CTBP1: variants seen among roughly 807,000 people sequenced by gnomAD.
CTBP1 encodes C-terminal-binding protein 1.
CTBP1 carries 11 observed loss-of-function variants against 42.1 expected under a neutral mutation model. The observed-to-expected ratio is 0.26, with a 90% CI of 0.16 to 0.43. The LOEUF is 0.43. Ranked by LOEUF, CTBP1 falls within the 20% of genes least tolerant of loss-of-function variation. The probability of loss-of-function intolerance (pLI) is 1.00; values close to 1 mark genes in which losing one functional copy is unlikely to be tolerated. For synonymous variants in CTBP1, 324 were observed against 277.1 expected (o/e 1.17, Z -1.68); for missense variants, 399 against 624.3 (o/e 0.64, Z 3.85).
At chr4:1,213,924 C>A (rs985214798) in intron 7 of CTBP1, 4 of 431,638 alleles carry the variant, frequency 9.3e-6, no homozygotes, top group Non-Finnish European at 1.7e-5. Context: ...GAGCTGCAGG[C>A]TGATACTGCC....
At chr4:1,215,212 ACT>A (rs1728979792) in intron 6 of CTBP1, among the ~76,000 whole-genome samples, 1 of 151,876 alleles carries the variant, frequency 6.6e-6, no homozygotes, top group Admixed American at 6.6e-5. Flanking sequence ...AAACCCACTG[ACT>A]CTGTGAACAA....
At chr4:1,241,627 C>G (rs1732186019) in intron 1 of CTBP1, 108 bp from the exon 2 acceptor site, 3 of 1,411,866 alleles carry the variant, frequency 2.1e-6, no homozygotes, top group African/African-American at 1.4e-5. Context: ...TCTGCCACAC[C>G]CGGGACTGCT....
intron 9 of CTBP1, 119 bp from the exon 10 acceptor site, chr4:1,212,542 A>G (rs1728650769): frequency 2.2e-6 from 2 of 923,336 alleles, no homozygotes; most frequent in Non-Finnish European, 3.1e-6. Flanking sequence ...CAGTCAGGGT[A>G]AGGATCCCGG....
chr4:1,213,180 T>C, intron 8 of CTBP1, 150 bp from the exon 9 acceptor site: 1 of 776,394 alleles, frequency 1.3e-6, no homozygotes, highest in Non-Finnish European at 2.1e-6. Flanking sequence ...GGGTCCTGTC[T>C]CTCTGGGCAC....
intron 4 of CTBP1, among the ~76,000 whole-genome samples, chr4:1,225,995 C>T (rs1730301597): frequency 6.6e-6 from 1 of 152,090 alleles, no homozygotes; most frequent in African/African-American, 2.4e-5. Flanking sequence ...CTGCACACCC[C>T]TACGTGGACA....
chr4:1,246,252 G>C (rs1042757294), intron 1 of CTBP1, among the ~76,000 whole-genome samples: 2 of 152,024 alleles, frequency 1.3e-5, no homozygotes, highest in African/African-American at 4.8e-5. Context: ...AACATCCAGC[G>C]ACCACCAGAG....
At chr4:1,232,148 A>G (rs1731029216) in intron 3 of CTBP1, among the ~76,000 whole-genome samples, 1 of 152,124 alleles carries the variant, frequency 6.6e-6, no homozygotes, top group Non-Finnish European at 1.5e-5. Flanking sequence ...GGCTGAAGCG[A>G]TCCTCTGGCC....
At position 1,221,724 on chromosome 4, in the gene CTBP1, G is replaced by T. The variant is rs981049633; in HGVS notation, c.514+3636C>A. 1.3e-5 allele frequency: 5 copies of T among 378,942 alleles called. No homozygotes were observed. In the Admixed American group the frequency reaches 1.6e-4, roughly 12 times the overall value. The allele number at this position is 378,942 out of a possible 1,614,324, so 23.5% of individuals were successfully genotyped here. ...GGACCCGGGTCCTCGCAGGGTCGTCGCGGGGCCGCCACGGGAGAAGGGGGC... is the reference window on the plus strand; with the variant it reads ...GGACCCGGGTCCTCGCAGGGTCGTCTCGGGGCCGCCACGGGAGAAGGGGGC... On this transcript the variant is annotated intron_variant, in intron 5 of 9. Transcript: ENST00000382952.
At chr4:1,250,235 C>T (rs1455175105), upstream of CTBP1, 5 of 198,454 alleles carry the variant, frequency 2.5e-5, no homozygotes, top group Non-Finnish European at 5.3e-5. Flanking sequence ...CCTTCGAGGC[C>T]CGGGAAGACC....
chr4:1,222,360 G>A (rs775894398), intron 5 of CTBP1, among the ~76,000 whole-genome samples: 8 of 152,096 alleles, frequency 5.3e-5, no homozygotes, highest in Admixed American at 5.2e-4. Context: ...TCCCGAGGCC[G>A]AGGGAGCGCT....
chr4:1,226,562 G>A (rs1376285363), intron 4 of CTBP1, among the ~76,000 whole-genome samples: 1 of 150,482 alleles, frequency 6.6e-6, no homozygotes, highest in Non-Finnish European at 1.5e-5. Flanking sequence ...GGCGCCACAC[G>A]AGATTGGAAC....
rs746225680 is a variant in CTBP1 at position 1,213,014 on chromosome 4, GCTGT to G, written c.1001_1004del (p.Asp334AlafsTer2). On this transcript the variant is annotated frameshift_variant, in exon 9 of 10. Transcript: ENST00000382952. LOFTEE classifies it high-confidence loss of function. ...GGTCCTTGTTGACACAGTTCTTCAG[GCTGT>G]CTGGGATCCGGCCTGGGAGATGCAG... is the stretch of plus-strand genomic sequence containing the variant. The G allele has an allele frequency of 6.2e-7, 1 of 1,613,854 alleles. No homozygotes were observed. Among genetic ancestry groups the G allele is most frequent in the Non-Finnish European group, 8.5e-7 (1 of 1,179,946 alleles).
chr4:1,213,877 G>T, intron 7 of CTBP1: 1 of 480,404 alleles, frequency 2.1e-6, no homozygotes, highest in Non-Finnish European at 3.7e-6. Flanking sequence ...GGGACATGCT[G>T]CCTGGCCCCT....
chr4:1,224,842 T>G (rs1422470514), intron 5 of CTBP1, among the ~76,000 whole-genome samples: 1 of 152,018 alleles, frequency 6.6e-6, no homozygotes, highest in Non-Finnish European at 1.5e-5. Context: ...GTGATGTCTG[T>G]GAGGCCCACA....
chr4:1,231,704 G>A (rs984367596), intron 3 of CTBP1, among the ~76,000 whole-genome samples: 3 of 152,374 alleles, frequency 2.0e-5, no homozygotes, highest in Admixed American at 2.0e-4. Context: ...CACCATCAGG[G>A]CAGATGTTTC....
intron 8 of CTBP1, 92 bp downstream of exon 8, chr4:1,213,386 T>C (rs1370286118): frequency 3.2e-6 from 5 of 1,575,146 alleles, no homozygotes; most frequent in South Asian, 2.2e-5. Context: ...TGGCAGAACA[T>C]GGGCCTGGCT....
chr4:1,225,810 C>T (rs907909334), intron 4 of CTBP1, among the ~76,000 whole-genome samples: 5 of 152,252 alleles, frequency 3.3e-5, no homozygotes, highest in East Asian at 1.9e-4. Context: ...GGCAACTGCT[C>T]GGTGTGTGGT....
At chr4:1,243,942 C>T (rs1732448033) in intron 1 of CTBP1, 1 of 985,376 alleles carries the variant, frequency 1.0e-6, no homozygotes, top group Non-Finnish European at 1.2e-6. Context: ...TCAAGGGACC[C>T]ACGAGGGAAG....
chr4:1,239,294 G>A (rs2108789539), intron 2 of CTBP1, among the ~76,000 whole-genome samples: 1 of 152,302 alleles, frequency 6.6e-6, no homozygotes, highest in Non-Finnish European at 1.5e-5. Context: ...GCCACTGTCA[G>A]CCCCACGGCA....
Sources: gnomAD v4.1 joint callset for allele counts (sites outside exome capture counted in the v4.1 genomes callset) on GRCh38, gnomAD v4.1.1 for gene constraint, MANE v1.5 for transcripts, NCBI Gene and HGNC (gene_info 2026-07-23, HGNC 2026-07-21) for gene names.